The following PRDM2 variants were observed in gnomAD, a reference collection of about 807,000 sequenced individuals.
The protein encoded by PRDM2 is PR domain zinc finger protein 2.
PRDM2 carries 30 observed loss-of-function variants against 130.0 expected under a neutral mutation model. The observed-to-expected ratio is 0.23, with a 90% CI of 0.17 to 0.31. PRDM2 has a LOEUF of 0.31. PRDM2 is among the 10% of genes least tolerant of loss of function. The probability of loss-of-function intolerance (pLI) is 1.00; values close to 1 mark genes in which losing one functional copy is unlikely to be tolerated. For missense variants in PRDM2, 2,011 were observed against 2,108.4 expected, an observed-to-expected ratio of 0.95 and a Z score of 0.90; for synonymous variants, 871 against 782.4, an observed-to-expected ratio of 1.11 and a Z score of -1.89.
At chr1:13,751,784 C>G (rs1643849863) in intron 6 of PRDM2, among the ~76,000 whole-genome samples, 1 of 152,160 alleles carries the variant, frequency 6.6e-6, no homozygotes, top group Non-Finnish European at 1.5e-5. Flanking sequence ...AGTTCTGGAC[C>G]TCAGCTCCTT....
intron 1 of PRDM2, among the ~76,000 whole-genome samples, chr1:13,711,165 A>T (rs1323750066): frequency 1.3e-5 from 2 of 152,102 alleles, no homozygotes; most frequent in East Asian, 3.9e-4. Context: ...CTGCCTCTGC[A>T]CTGCTGGATT....
chr1:13,745,643 C>T (rs376107140), intron 5 of PRDM2, among the ~76,000 whole-genome samples: 3 of 152,014 alleles, frequency 2.0e-5, no homozygotes, highest in Admixed American at 1.3e-4. Flanking sequence ...CAGGTGGTCT[C>T]GAACTCCTGA....
At chr1:13,727,470 G>A (rs1162074888) in intron 2 of PRDM2, among the ~76,000 whole-genome samples, 1 of 152,088 alleles carries the variant, frequency 6.6e-6, no homozygotes, top group Non-Finnish European at 1.5e-5. Flanking sequence ...GGCCAGGCTG[G>A]TCTCGAACTC....
Position 13,779,020 on chromosome 1 carries a change from G to A in PRDM2, c.1225G>A (p.Glu409Lys). The A allele has an allele frequency of 2.5e-6, 4 of 1,614,178 alleles. No individual in the cohort carries two copies. Among genetic ancestry groups the A allele is most frequent in the Non-Finnish European group, 3.4e-6 (4 of 1,180,020 alleles). ...FGTQINRRRH[E>K]RRHEAGLKRK... ...CACACAGATTAACCGGCGGCGACAT[G>A]AGCGGCGCCATGAAGCAGGGTTAAA... The change falls in exon 8 of 10, where the codon GAG (glutamate) becomes AAG (lysine). Residue 409 changes from glutamate to lysine, a missense_variant. Transcript: ENST00000311066. The surrounding 1 kb of genome is among the most constrained non-coding windows in gnomAD (Gnocchi z 4.9).
In PRDM2 at chr1:13,735,869, T is replaced by C. The variant is rs538778783; in HGVS notation, c.231+2987T>C. Among the ~76,000 whole-genome samples, 33 of 152,322 alleles carry C rather than the reference T, an allele frequency of 2.2e-4. 1 individual carries two copies. The highest frequency in any genetic ancestry group is 3.4e-3 in the Middle Eastern group (1 of 294). On this transcript the variant is annotated intron_variant, in intron 4 of 9. Transcript: ENST00000311066. Reference sequence around the variant, plus strand: ...AATATATACAAGAACATAAAAATCATTGAAACTCCTATCATCCAGGCGCAA... The same window carrying C: ...AATATATACAAGAACATAAAAATCACTGAAACTCCTATCATCCAGGCGCAA...
At chr1:13,717,543 C>A (rs1401552810) in intron 2 of PRDM2, 30 of 579,500 alleles carry the variant, frequency 5.2e-5, no homozygotes, top group Non-Finnish European at 6.3e-5. Context: ...TGCCTTAATT[C>A]TTGTACAGTA....
chr1:13,783,222 TA>T, intron 8 of PRDM2: 1 of 507,646 alleles, frequency 2.0e-6, no homozygotes, highest in South Asian at 1.4e-5. Flanking sequence ...GACGGGTCAC[TA>T]AGTTCATTAG....
Position 13,771,774 on chromosome 1 carries a change from T to A in PRDM2, c.512-1304T>A, listed in dbSNP as rs958827000. The A allele has an allele frequency of 1.3e-5, 2 of 152,180 alleles. No individual in the cohort carries two copies. The highest frequency in any genetic ancestry group is 4.8e-5 in the African/African-American group (2 of 41,448). The allele number at this position is 152,180 out of a possible 1,614,324, so 9.4% of individuals were successfully genotyped here. On this transcript the variant is annotated intron_variant, in intron 6 of 9. Coordinates refer to ENST00000311066, the MANE Select transcript of PRDM2 (RefSeq NM_001393986.1). The surrounding 1 kb of genome is among the most constrained non-coding windows in gnomAD (Gnocchi z 4.1). ...GGTGTTTAAAATGGTATTTTAGAAT[T>A]TACGTTTTAAGACTAACAAGCAAAA...
intron 6 of PRDM2, 87 bp downstream of exon 6, chr1:13,749,574 CCGCGAGGCGGGTCGCGGGCTCGGG>C (rs1643743876): frequency 2.2e-6 from 2 of 913,166 alleles, no homozygotes; most frequent in South Asian, 9.8e-5. Context: ...GCTGGCCCGA[CCGCGAGGCGGGTCGCGGGCTCGGG>C]CGGCGGCGCC....
At chr1:13,755,174 T>C (rs1410208144) in intron 6 of PRDM2, among the ~76,000 whole-genome samples, 1 of 152,248 alleles carries the variant, frequency 6.6e-6, no homozygotes, top group East Asian at 1.9e-4. Flanking sequence ...CAAATTTAGA[T>C]GAAAATGTTG....
chr1:13,735,973 G>A (rs1409572374), intron 4 of PRDM2, among the ~76,000 whole-genome samples: 2 of 151,814 alleles, frequency 1.3e-5, no homozygotes, highest in East Asian at 3.8e-4. Context: ...CACATACACT[G>A]GTACATTTAC....
rs777107998 is a variant in PRDM2, at chr1:13,780,508, A to C, written c.2713A>C (p.Asn905His). The change falls in exon 8 of 10, where the codon AAC becomes CAC. Residue 905 changes from asparagine (N) to histidine (H), a missense_variant. By Grantham distance (68) the Asn-to-His change is moderately conservative. This residue lies in a region of PRDM2 where 1,288 missense variants were observed against 1,237.7 expected (regional missense o/e 1.04). Transcript: ENST00000311066. Reference protein sequence around the residue: ...EYNGIDLPVENPADGTRSPSP... With the variant: ...EYNGIDLPVEHPADGTRSPSP... ...TAATGGCATCGATTTACCTGTAGAA[A>C]ACCCTGCAGATGGGACCAGGAGCCC... 1 of 1,614,182 alleles carries C rather than the reference A, an allele frequency of 6.2e-7. No homozygotes were observed. The highest frequency in any genetic ancestry group is 1.7e-5 in the Admixed American group (1 of 60,022).
intron 1 of PRDM2, 95 bp from the exon 2 acceptor site, chr1:13,715,446 G>C (rs1642503834): frequency 2.1e-6 from 1 of 468,074 alleles, no homozygotes; most frequent in African/African-American, 2.0e-5. Context: ...TTTATAAATA[G>C]CCCTTTCAGC....
At chr1:13,710,832 A>T (rs1266838933) in intron 1 of PRDM2, among the ~76,000 whole-genome samples, 2 of 152,148 alleles carry the variant, frequency 1.3e-5, no homozygotes, top group Non-Finnish European at 2.9e-5. Flanking sequence ...CACACCTGTA[A>T]TCCCAACACT....
At position 13,787,833 on chromosome 1, in the gene PRDM2, A is replaced by G. The variant is rs144291674; in HGVS notation, c.5036+5002A>G. On this transcript the variant is annotated intron_variant, in intron 8 of 9. Coordinates refer to ENST00000311066, the MANE Select transcript of PRDM2 (RefSeq NM_001393986.1). ...TCTAATGAAAACATTAAAATTTACAATTTGACATACAAAAAGGGGTTGTCC... is the reference window on the plus strand; with the variant it reads ...TCTAATGAAAACATTAAAATTTACAGTTTGACATACAAAAAGGGGTTGTCC... The G allele has an allele frequency of 6.2e-3, 6,060 of 982,630 alleles. 22 individuals are homozygous for G. The highest frequency in any genetic ancestry group is 7.0e-3 in the Non-Finnish European group (5,803 of 827,436). The allele number at this position is 982,630 out of a possible 1,614,324, so 60.9% of individuals were successfully genotyped here.
chr1:13,749,324 C>G, intron 5 of PRDM2, 37 bp from the exon 6 acceptor site: 1 of 1,421,144 alleles, frequency 7.0e-7, no homozygotes, highest in Non-Finnish European at 9.4e-7. Flanking sequence ...AACCGCCGCT[C>G]TGATTGGCCC....
At chr1:13,706,808 A>G (rs993737083) in intron 1 of PRDM2, among the ~76,000 whole-genome samples, 5 of 152,094 alleles carry the variant, frequency 3.3e-5, no homozygotes, top group South Asian at 2.1e-4. Flanking sequence ...GCTTGCATGT[A>G]TGTAGTTTTA....
chr1:13,780,647 T>G lies in PRDM2; in HGVS notation c.2852T>G (p.Leu951Arg), dbSNP rs922285422. Residue 951 changes from leucine to arginine, a missense_variant, in exon 8 of 10, where the codon CTG (leucine) becomes CGG (arginine). This residue lies in a region of PRDM2 where 1,288 missense variants were observed against 1,237.7 expected (regional missense o/e 1.04). Transcript: ENST00000311066. Reference protein sequence around the residue: ...TPDVCPSSPALQTPSLSSGQL... With the variant: ...TPDVCPSSPARQTPSLSSGQL... ...GATGTTTGTCCTTCATCACCTGCCC[T>G]GCAGACACCCTCCCTTTCATCCGGT... is the stretch of plus-strand genomic sequence containing the variant. 6.2e-7 allele frequency: 1 copy of G among 1,613,260 alleles called. No homozygotes were observed. The highest frequency in any genetic ancestry group is 1.3e-5 in the African/African-American group (1 of 74,840).
At chr1:13,773,033 A>AT in intron 6 of PRDM2, 45 bp from the exon 7 acceptor site, 1 of 1,140,120 alleles carries the variant, frequency 8.8e-7, no homozygotes, top group East Asian at 2.7e-5. Context: ...GAATGAATAA[A>AT]TAAAAAAAAA....
Sources: allele counts gnomAD v4.1 joint callset (sites outside exome capture counted in the v4.1 genomes callset), GRCh38; gene constraint gnomAD v4.1.1; regional missense constraint gnomAD v4.1.1; non-coding constraint Gnocchi (gnomAD v3.1); transcripts MANE v1.5; gene names NCBI Gene and HGNC (gene_info 2026-07-23, HGNC 2026-07-21).